Variants in ABI3 observed in about 807,000 individuals in gnomAD.
ABI3 encodes the protein ABI gene family member 3.
Under a neutral mutation model 37.0 loss-of-function variants are expected in ABI3, and 24 were observed. The observed-to-expected ratio is 0.65, with a 90% CI of 0.47 to 0.91. The LOEUF is 0.91. Ranked by LOEUF, ABI3 falls within the 40% of genes least tolerant of loss-of-function variation. ABI3 has a pLI of 0.00. For missense variants in ABI3, 481 were observed against 485.1 expected, an observed-to-expected ratio of 0.99 and a Z score of 0.08; for synonymous variants, 220 against 211.8, an observed-to-expected ratio of 1.04 and a Z score of -0.34.
chr17:49,220,874 A>AAT (rs1468455001), intron 6 of ABI3, among the ~76,000 whole-genome samples: 1 of 145,404 alleles, frequency 6.9e-6, no homozygotes. Context: ...TAATAATAAT[A>AAT]ATAATAATAA....
chr17:49,221,965 C>T lies in ABI3; in HGVS notation c.803-126C>T, dbSNP rs1346035350. The T allele has an allele frequency of 7.6e-6, 10 of 1,313,720 alleles. No individual in the cohort carries two copies. The South Asian group carries it at 1.1e-4, about 14-fold the overall frequency. The allele number at this position is 1,313,720 out of a possible 1,614,324, so 81.4% of individuals were successfully genotyped here. On this transcript the variant is annotated intron_variant, in intron 6 of 7. Coordinates refer to ENST00000225941, the MANE Select transcript of ABI3 (RefSeq NM_016428.3). ...AACTCCTGGCCTCAGGTGATCTGCC[C>T]GCCTTGGCCTCCCAACGTGCCTCGC...
chr17:49,221,021 A>G (rs1290707409), intron 6 of ABI3, among the ~76,000 whole-genome samples: 2 of 146,560 alleles, frequency 1.4e-5, no homozygotes, highest in Non-Finnish European at 3.0e-5. Flanking sequence ...AAAAATACAA[A>G]AATTAGCCTG....
At chr17:49,213,002 T>C (rs898347607) in intron 1 of ABI3, among the ~76,000 whole-genome samples, 1 of 152,126 alleles carries the variant, frequency 6.6e-6, no homozygotes, top group Non-Finnish European at 1.5e-5. Context: ...CACACACAAT[T>C]TGGGGTCGCA....
At position 49,216,664 on chromosome 17, in the gene ABI3, G is replaced by A. The variant is rs774034002; in HGVS notation, c.251G>A (p.Arg84Gln). 11 of 1,603,626 alleles carry A rather than the reference G, an allele frequency of 6.9e-6. No homozygotes were observed. The highest frequency in any genetic ancestry group is 4.5e-5 in the South Asian group (4 of 89,752). ...RMLDLQGAAL[R>Q]QVEARVSTLG... Reference sequence around the variant, plus strand: ...TTGGACCTGCAGGGGGCCGCCCTGCGGCAGGTGGAAGCCCGTGTAAGCACG... The same window carrying A: ...TTGGACCTGCAGGGGGCCGCCCTGCAGCAGGTGGAAGCCCGTGTAAGCACG... The change falls in exon 2 of 8, where the codon CGG becomes CAG. Residue 84 changes from arginine (R) to glutamine (Q), a missense_variant. Arg to Gln is a conservative substitution (Grantham distance 43, BLOSUM62 1). Coordinates refer to ENST00000225941, the MANE Select transcript of ABI3 (RefSeq NM_016428.3).
intron 3 of ABI3, among the ~76,000 whole-genome samples, chr17:49,218,532 T>A (rs937720375): frequency 6.6e-5 from 10 of 152,114 alleles, no homozygotes; most frequent in African/African-American, 2.4e-4. Context: ...TCAGCCCCCC[T>A]TAAAGGGGAA....
intron 3 of ABI3, among the ~76,000 whole-genome samples, chr17:49,218,574 C>G (rs1443877883): frequency 6.6e-6 from 1 of 151,968 alleles, no homozygotes; most frequent in Non-Finnish European, 1.5e-5. Context: ...ACCAGGCCTC[C>G]TTCCCACCAG....
intron 6 of ABI3, among the ~76,000 whole-genome samples, chr17:49,220,713 G>T (rs888852727): frequency 6.6e-6 from 1 of 151,846 alleles, no homozygotes; most frequent in African/African-American, 2.4e-5. Context: ...GCGTGGTGGC[G>T]CAAGCCTGTA....
intron 2 of ABI3, among the ~76,000 whole-genome samples, 177 bp from the exon 3 acceptor site, chr17:49,217,562 C>T (rs73987275): frequency 1.6e-4 from 24 of 146,398 alleles, no homozygotes; most frequent in African/African-American, 5.6e-4. Context: ...TCCTTTCCTG[C>T]TACTTTTCCC....
rs1429958444 is a variant in ABI3, at chr17:49,222,040, C to G, written c.803-51C>G. 11 of 1,527,286 alleles carry G rather than the reference C, an allele frequency of 7.2e-6. No homozygotes were observed. In the Admixed American group the frequency reaches 8.2e-5, roughly 11 times the overall value. The allele number at this position is 1,527,286 out of a possible 1,614,324, so 94.6% of individuals were successfully genotyped here. A position where few individuals can be genotyped will look rare whatever the true frequency, so the allele number is the denominator to read the frequency against. On this transcript the variant is annotated intron_variant, in intron 6 of 7. Transcript: ENST00000225941. ...AGCTCTTGAGCAGTTCCCTGACACACTGAAGGAGCTTCCTGTGCCACACTT... is the reference window on the plus strand; with the variant it reads ...AGCTCTTGAGCAGTTCCCTGACACAGTGAAGGAGCTTCCTGTGCCACACTT...
chr17:49,216,016 C>CA (rs1394890906), intron 1 of ABI3, among the ~76,000 whole-genome samples: 16 of 150,910 alleles, frequency 1.1e-4, no homozygotes, highest in Non-Finnish European at 7.4e-5. Context: ...GAGGCTGAGG[C>CA]AGGAGAATCG....
At chr17:49,220,642 C>T (rs935222615) in intron 6 of ABI3, among the ~76,000 whole-genome samples, 8 of 151,652 alleles carry the variant, frequency 5.3e-5, no homozygotes, top group Non-Finnish European at 8.8e-5. Context: ...GTCGGGAGTT[C>T]GAGACCAGCC....
Position 49,219,516 on chromosome 17 carries a change from G to T in ABI3, c.463-24G>T. The T allele has an allele frequency of 6.4e-7, 1 of 1,574,148 alleles. No homozygotes were observed. The highest frequency in any genetic ancestry group is 1.8e-5 in the Admixed American group (1 of 54,170). ...GGGAGGCCCCTCACCCCAAATGTAA[G>T]CCCTACCTCCCGCTCCCTCGCAGGA... On this transcript the variant is annotated intron_variant, in intron 3 of 7. Transcript: ENST00000225941. This position sits in a 1 kb window ranked among gnomAD's most constrained non-coding sequence, Gnocchi z 4.3.
Position 49,222,077 on chromosome 17 carries a change from G to T in ABI3, c.803-14G>T. The T allele has an allele frequency of 4.4e-6, 7 of 1,582,290 alleles. No individual in the cohort carries two copies. The highest frequency in any genetic ancestry group is 5.2e-6 in the Non-Finnish European group (6 of 1,164,630). On this transcript the variant is annotated splice_polypyrimidine_tract_variant and intron_variant, in intron 6 of 7. Coordinates refer to ENST00000225941, the MANE Select transcript of ABI3 (RefSeq NM_016428.3). ...CCTGTGCCACACTTACAGCCTTTCTGCTTTTCCCCCAAGACGAAGAGCTGC... is the reference window on the plus strand; with the variant it reads ...CCTGTGCCACACTTACAGCCTTTCTTCTTTTCCCCCAAGACGAAGAGCTGC...
At chr17:49,216,415 G>T in intron 1 of ABI3, 116 bp from the exon 2 acceptor site, 1 of 973,586 alleles carries the variant, frequency 1.0e-6, no homozygotes, top group Non-Finnish European at 1.4e-6. Context: ...TCTAAGGGTT[G>T]CTGCTCTCTC....
At chr17:49,222,407 G>A in intron 7 of ABI3, 145 bp from the exon 8 acceptor site, 1 of 1,345,554 alleles carries the variant, frequency 7.4e-7, no homozygotes, top group Non-Finnish European at 1.0e-6. Flanking sequence ...CTAAGCTGGG[G>A]AGGGGTCCTG....
At chr17:49,213,265 C>T (rs2043186998) in intron 1 of ABI3, among the ~76,000 whole-genome samples, 1 of 152,172 alleles carries the variant, frequency 6.6e-6, no homozygotes, top group Admixed American at 6.5e-5. Context: ...GCTGTCCTTG[C>T]AAAAATATGC....
At chr17:49,216,334 A>T (rs577730779) in intron 1 of ABI3, among the ~76,000 whole-genome samples, 197 bp from the exon 2 acceptor site, 1 of 152,128 alleles carries the variant, frequency 6.6e-6, no homozygotes, top group South Asian at 2.1e-4. Context: ...TCACTTTTTT[A>T]AAGTGAATTT....
Position 49,219,670 on chromosome 17 carries a change from C to A in ABI3, c.548+45C>A. On this transcript the variant is annotated intron_variant, in intron 4 of 7. Coordinates refer to ENST00000225941, the MANE Select transcript of ABI3 (RefSeq NM_016428.3). The surrounding 1 kb of genome is among the most constrained non-coding windows in gnomAD (Gnocchi z 4.3). ...CCAACTAGCCTAGCCCTGCCCCGCG[C>A]GACCCTGAAACTCTCCTCCCCCAGC... 3 of 1,531,428 alleles carry A rather than the reference C, an allele frequency of 2.0e-6. No individual in the cohort carries two copies. The highest frequency in any genetic ancestry group is 2.7e-6 in the Non-Finnish European group (3 of 1,126,810). 94.9% of individuals were successfully genotyped at this position (1,531,428 alleles called of 1,614,324 possible). A position where few individuals can be genotyped will look rare whatever the true frequency, so the allele number is the denominator to read the frequency against.
chr17:49,221,863 CGT>C (rs1392289995), intron 6 of ABI3, among the ~76,000 whole-genome samples: 1 of 152,138 alleles, frequency 6.6e-6, no homozygotes, highest in Non-Finnish European at 1.5e-5. Flanking sequence ...GAATTACAGG[CGT>C]GTGCCACCAT....
Sources: gnomAD v4.1 joint callset for allele counts (sites outside exome capture counted in the v4.1 genomes callset) on GRCh38, gnomAD v4.1.1 for gene constraint, Gnocchi (gnomAD v3.1) non-coding constraint, MANE v1.5 for transcripts, NCBI Gene and HGNC (gene_info 2026-07-23, HGNC 2026-07-21) for gene names.